The following ADCY9 variants were observed in gnomAD, a reference collection of about 807,000 sequenced individuals.
ADCY9 encodes the protein adenylate cyclase 9.
ADCY9 carries 50 observed loss-of-function variants against 101.5 expected under a neutral mutation model. The ratio of observed to expected loss-of-function variants is 0.49; its 90% confidence interval spans 0.39 to 0.62. The LOEUF (loss-of-function observed/expected upper bound fraction) is 0.62, where lower values mean the gene tolerates loss of function less well. Among genes scored for constraint, ADCY9 ranks in the 20% least tolerant of loss-of-function variants. ADCY9 has a pLI of 0.00. For synonymous variants in ADCY9, 905 were observed against 769.3 expected (o/e 1.18, Z -2.92); for missense variants, 1,662 against 1,800.4 (o/e 0.92, Z 1.39).
chr16:4,113,652 T>C (rs1763878066), intron 2 of ADCY9, 98 bp downstream of exon 2: 1 of 1,462,396 alleles, frequency 6.8e-7, no homozygotes, highest in Non-Finnish European at 9.2e-7. Flanking sequence ...CTGAGATACC[T>C]GAGCTGTCTG....
chr16:4,097,558 T>TATATATATATATATATATACA (rs1460628544), intron 2 of ADCY9, among the ~76,000 whole-genome samples: 15 of 92,442 alleles, frequency 1.6e-4, no homozygotes, highest in African/African-American at 6.4e-4. Context: ...TATATATTTT[T>TATATATATATATATATATACA]TTTTTTTTTT....
Position 3,982,996 on chromosome 16 carries a change from T to G in ADCY9, c.2519+236A>C, listed in dbSNP as rs989065105. 62 of 560,732 alleles carry G rather than the reference T, an allele frequency of 1.1e-4. No homozygotes were observed. In the East Asian group the frequency reaches 1.8e-3, roughly 16 times the overall value. 34.7% of individuals were successfully genotyped at this position (560,732 alleles called of 1,614,324 possible). ...AATCTGGGGACAAGCTGGCAGCGGTTGGGGCTGTGGAGGCACCGCCCCCTC... is the reference window on the plus strand; with the variant it reads ...AATCTGGGGACAAGCTGGCAGCGGTGGGGGCTGTGGAGGCACCGCCCCCTC... On this transcript the variant is annotated intron_variant, in intron 7 of 10. Coordinates refer to ENST00000294016, the MANE Select transcript of ADCY9 (RefSeq NM_001116.4).
At chr16:4,054,414 T>A (rs928555214) in intron 2 of ADCY9, among the ~76,000 whole-genome samples, 1 of 152,080 alleles carries the variant, frequency 6.6e-6, no homozygotes, top group East Asian at 1.9e-4. Context: ...AAACCAAGAC[T>A]TCGCAGGGCT....
chr16:3,967,010 G>A (rs772528261), intron 10 of ADCY9, 44 bp from the exon 11 acceptor site: 4 of 1,527,644 alleles, frequency 2.6e-6, no homozygotes, highest in East Asian at 4.5e-5. Flanking sequence ...ACTGCTCGGC[G>A]CTTCCAAGCT....
intron 2 of ADCY9, among the ~76,000 whole-genome samples, chr16:4,095,290 C>G (rs557997953): frequency 1.2e-4 from 19 of 152,200 alleles, no homozygotes; most frequent in South Asian, 1.0e-3. Context: ...CGTGAGCCAC[C>G]GCGCCCAGCC....
chr16:3,969,773 C>T (rs942685912), intron 10 of ADCY9, among the ~76,000 whole-genome samples: 2 of 150,476 alleles, frequency 1.3e-5, no homozygotes, highest in African/African-American at 2.4e-5. Context: ...CACCACCACA[C>T]CTGGCTAATT....
chr16:4,035,836 C>G (rs891577601), intron 2 of ADCY9, among the ~76,000 whole-genome samples: 1 of 151,738 alleles, frequency 6.6e-6, no homozygotes, highest in Admixed American at 6.6e-5. Context: ...CCCGTCTCTA[C>G]TAAAAATACA....
chr16:4,048,909 C>A (rs1387881103), intron 2 of ADCY9, among the ~76,000 whole-genome samples: 2 of 152,164 alleles, frequency 1.3e-5, no homozygotes, highest in Admixed American at 6.5e-5. Flanking sequence ...TCAAGCAAAA[C>A]CCCTGGTCTC....
intron 3 of ADCY9, among the ~76,000 whole-genome samples, chr16:4,003,247 G>C (rs575564181): frequency 6.6e-6 from 1 of 152,318 alleles, no homozygotes; most frequent in South Asian, 2.1e-4. Flanking sequence ...ATCACTGTGA[G>C]AATCTCCCTC....
intron 2 of ADCY9, among the ~76,000 whole-genome samples, chr16:4,037,114 C>G (rs374197043): frequency 2.0e-5 from 3 of 152,106 alleles, no homozygotes; most frequent in African/African-American, 7.2e-5. Context: ...CCCAGGAGTT[C>G]AAGACCAGCC....
chr16:3,993,311 C>T, intron 4 of ADCY9, 95 bp downstream of exon 4: 1 of 1,557,336 alleles, frequency 6.4e-7, no homozygotes, highest in Non-Finnish European at 8.7e-7. Context: ...AGAGGAGTTA[C>T]TCTCAGAACT....
intron 2 of ADCY9, among the ~76,000 whole-genome samples, chr16:4,019,470 C>A (rs2056460479): frequency 6.6e-6 from 1 of 152,186 alleles, no homozygotes; most frequent in Non-Finnish European, 1.5e-5. Context: ...AAACTGAAAG[C>A]AAAACCGAGG....
chr16:4,026,918 T>A (rs1412498112), intron 2 of ADCY9, among the ~76,000 whole-genome samples: 1 of 152,118 alleles, frequency 6.6e-6, no homozygotes, highest in Non-Finnish European at 1.5e-5. Flanking sequence ...AACAAAAGGA[T>A]CAGAGGCTAC....
intron 3 of ADCY9, among the ~76,000 whole-genome samples, chr16:4,004,654 G>C (rs1176812493): frequency 6.6e-6 from 1 of 152,200 alleles, no homozygotes; most frequent in African/African-American, 2.4e-5. Flanking sequence ...AAATATTTAA[G>C]TTATTTAACA....
intron 5 of ADCY9, among the ~76,000 whole-genome samples, chr16:3,956,503 T>TTTTTTTTTTTTGG (rs55792938): frequency 9.4e-4 from 65 of 69,490 alleles, no homozygotes; most frequent in Non-Finnish European, 1.1e-3. Flanking sequence ...TTTTTTTTTT[T>TTTTTTTTTTTTGG]GGGGGGGGAT....
intron 2 of ADCY9, among the ~76,000 whole-genome samples, chr16:4,075,096 C>T (rs1006773163): frequency 6.6e-6 from 1 of 152,162 alleles, no homozygotes; most frequent in Non-Finnish European, 1.5e-5. Context: ...AGGATCACTT[C>T]AGCCCAGGAA....
At position 4,114,549 on chromosome 16, in the gene ADCY9, C is replaced by T; in HGVS notation, c.894G>A (p.Leu298=). Residue 298 remains leucine (L), a synonymous_variant, in exon 2 of 11, where the codon CTG becomes CTA. Coordinates refer to ENST00000294016, the MANE Select transcript of ADCY9 (RefSeq NM_001116.4). The surrounding 1 kb of genome is among the most constrained non-coding windows in gnomAD (Gnocchi z 4.3). The stretch of plus-strand genomic sequence containing the variant: ...TGGACCTCACCTGGGACATGACGAA[C>T]AGGTGGACCCCGATGGCGTGGATGC... ...HGCIHAIGVH[L]FVMSQVRSRS... is the part of the protein sequence containing the mutation. 5 of 1,614,150 alleles carry T rather than the reference C, an allele frequency of 3.1e-6. No individual in the cohort carries two copies. The highest frequency in any genetic ancestry group is 4.2e-6 in the Non-Finnish European group (5 of 1,180,044).
In ADCY9 at chr16:3,977,623, A is replaced by C. The variant is rs550558850; in HGVS notation, c.2687T>G (p.Val896Gly). ...AATCAGCGCGGCCGAGCCTGTGAAC[A>C]CTGGGAACTGCAAGAGGCGAAGGGT... ...SEYETNIHFPVFTGSAALIAV... is the reference protein window; with the variant it reads ...SEYETNIHFPGFTGSAALIAV... The change falls in exon 9 of 11, where the codon GTG becomes GGG. Residue 896 changes from valine (V) to glycine (G), a missense_variant. This residue lies in a region of ADCY9 where 624 missense variants were observed against 639.1 expected (regional missense o/e 0.98). Coordinates refer to ENST00000294016, the MANE Select transcript of ADCY9 (RefSeq NM_001116.4). 9 of 1,612,852 alleles carry C rather than the reference A, an allele frequency of 5.6e-6. No homozygotes were observed. The Admixed American group carries it at 1.3e-4, about 24-fold the overall frequency.
At chr16:4,020,178 C>T (rs1381772583) in intron 2 of ADCY9, among the ~76,000 whole-genome samples, 1 of 152,186 alleles carries the variant, frequency 6.6e-6, no homozygotes, top group Non-Finnish European at 1.5e-5. Flanking sequence ...GCACATGTGG[C>T]TACTGACCAC....
Sources: allele counts gnomAD v4.1 joint callset (sites outside exome capture counted in the v4.1 genomes callset), GRCh38; gene constraint gnomAD v4.1.1; regional missense constraint gnomAD v4.1.1; non-coding constraint Gnocchi (gnomAD v3.1); transcripts MANE v1.5; gene names NCBI Gene and HGNC (gene_info 2026-07-23, HGNC 2026-07-21).